Variants in SEPTIN7 observed in about 807,000 individuals in gnomAD.
The protein encoded by SEPTIN7 is septin-7.
SEPTIN7 carries 10 observed loss-of-function variants against 63.3 expected under a neutral mutation model. The observed-to-expected ratio is 0.16, with a 90% confidence interval of 0.10 to 0.27. SEPTIN7 has a LOEUF of 0.27. SEPTIN7 is among the 10% of genes least tolerant of loss of function. The pLI is 1.00. For missense variants in SEPTIN7, 310 were observed against 521.0 expected, an observed-to-expected ratio of 0.59 and a Z score of 3.94; for synonymous variants, 131 against 165.3, an observed-to-expected ratio of 0.79 and a Z score of 1.59.
At chr7:35,846,424 G>A (rs1054910908) in intron 3 of SEPTIN7, among the ~76,000 whole-genome samples, 8 of 151,944 alleles carry the variant, frequency 5.3e-5, no homozygotes, top group African/African-American at 1.7e-4. Flanking sequence ...TGAAAATGTC[G>A]TACCAACTAA....
chr7:35,843,694 C>G (rs577298404), intron 3 of SEPTIN7, among the ~76,000 whole-genome samples: 2 of 152,248 alleles, frequency 1.3e-5, no homozygotes, highest in South Asian at 4.1e-4. Context: ...TTAAAATTAT[C>G]TGCATATGCC....
intron 10 of SEPTIN7, among the ~76,000 whole-genome samples, chr7:35,887,839 T>C (rs1787361277): frequency 6.6e-6 from 1 of 152,222 alleles, no homozygotes; most frequent in Non-Finnish European, 1.5e-5. Context: ...AGCTCATGTC[T>C]TTAAGACAAA....
intron 1 of SEPTIN7, among the ~76,000 whole-genome samples, chr7:35,814,843 C>T (rs576790162): frequency 2.0e-5 from 3 of 152,086 alleles, no homozygotes; most frequent in East Asian, 1.9e-4. Context: ...GGCATGGTAG[C>T]AGGCGCCTGT....
chr7:35,814,281 A>T (rs1788912332), intron 1 of SEPTIN7, among the ~76,000 whole-genome samples: 1 of 152,212 alleles, frequency 6.6e-6, no homozygotes, highest in Non-Finnish European at 1.5e-5. Context: ...GCTCACCAAC[A>T]CCTAGAATGG....
intron 3 of SEPTIN7, among the ~76,000 whole-genome samples, chr7:35,852,481 C>G (rs2116066341): frequency 6.6e-6 from 1 of 152,008 alleles, no homozygotes; most frequent in Non-Finnish European, 1.5e-5. Context: ...TTGGAATACA[C>G]TTAATTTACA....
At chr7:35,889,913 A>G (rs1453180836) in intron 10 of SEPTIN7, among the ~76,000 whole-genome samples, 1 of 152,188 alleles carries the variant, frequency 6.6e-6, no homozygotes, top group African/African-American at 2.4e-5. Context: ...ATGATGGCAG[A>G]TATAGGAAGT....
intron 1 of SEPTIN7, among the ~76,000 whole-genome samples, chr7:35,820,688 G>A (rs1006593769): frequency 7.2e-5 from 11 of 152,008 alleles, no homozygotes; most frequent in African/African-American, 2.4e-4. Flanking sequence ...TAAAGTATTT[G>A]TTTAATGTCT....
intron 9 of SEPTIN7, among the ~76,000 whole-genome samples, chr7:35,884,635 T>C (rs920331898): frequency 9.2e-5 from 14 of 152,208 alleles, no homozygotes; most frequent in African/African-American, 3.4e-4. Flanking sequence ...CAGATGGTCA[T>C]GGACCCTCAA....
At chr7:35,874,832 T>A (rs1245643617) in intron 6 of SEPTIN7, among the ~76,000 whole-genome samples, 4 of 152,142 alleles carry the variant, frequency 2.6e-5, no homozygotes, top group Non-Finnish European at 5.9e-5. Flanking sequence ...GTTTACATGT[T>A]TAAATCACTA....
chr7:35,855,064 G>A (rs1353308285), intron 3 of SEPTIN7, among the ~76,000 whole-genome samples: 1 of 151,998 alleles, frequency 6.6e-6, no homozygotes, highest in Non-Finnish European at 1.5e-5. Flanking sequence ...CTAGAAATAA[G>A]CATTAAATTG....
intron 1 of SEPTIN7, among the ~76,000 whole-genome samples, chr7:35,805,822 A>G (rs1788296167): frequency 6.6e-6 from 1 of 152,208 alleles, no homozygotes; most frequent in Admixed American, 6.6e-5. Context: ...ACTGATCTGG[A>G]AGTAAAAATG....
chr7:35,826,630 T>G (rs1243627203), intron 1 of SEPTIN7, among the ~76,000 whole-genome samples: 1 of 152,028 alleles, frequency 6.6e-6, no homozygotes, highest in East Asian at 1.9e-4. Context: ...TATTGGGAAG[T>G]TGAAGGTTTG....
intron 7 of SEPTIN7, among the ~76,000 whole-genome samples, chr7:35,881,499 CTTT>C (rs397962604): frequency 7.2e-6 from 1 of 139,266 alleles, no homozygotes; most frequent in Admixed American, 7.2e-5. Context: ...CTTGTTTATT[CTTT>C]TTTTTTTTTT....
At chr7:35,827,173 A>G (rs1299136847) in intron 1 of SEPTIN7, among the ~76,000 whole-genome samples, 1 of 152,224 alleles carries the variant, frequency 6.6e-6, no homozygotes, top group Non-Finnish European at 1.5e-5. Context: ...AGATTATTTG[A>G]TAAATGTTTC....
At chr7:35,889,736 G>T (rs944810056) in intron 10 of SEPTIN7, among the ~76,000 whole-genome samples, 3 of 152,084 alleles carry the variant, frequency 2.0e-5, no homozygotes, top group Non-Finnish European at 4.4e-5. Flanking sequence ...TAGAGATGGG[G>T]TTCCACCATG....
At chr7:35,817,008 G>GTTT in intron 1 of SEPTIN7, among the ~76,000 whole-genome samples, 1 of 142,060 alleles carries the variant, frequency 7.0e-6, no homozygotes, top group Non-Finnish European at 1.6e-5. Flanking sequence ...AATTCCACAG[G>GTTT]TTTTTTTTTT....
chr7:35,873,840 T>C, intron 6 of SEPTIN7, 65 bp downstream of exon 6: 1 of 1,454,918 alleles, frequency 6.9e-7, no homozygotes, highest in African/African-American at 1.4e-5. Context: ...TTTATGTGCA[T>C]ACTTTAGTAA....
chr7:35,840,846 T>A (rs1434551010), intron 3 of SEPTIN7, among the ~76,000 whole-genome samples: 1 of 152,208 alleles, frequency 6.6e-6, no homozygotes, highest in African/African-American at 2.4e-5. Flanking sequence ...AACCAAATGT[T>A]ATGGAAGTTT....
At chr7:35,890,612 GC>G (rs1787573890) in intron 10 of SEPTIN7, 55 bp from the exon 11 acceptor site, 1 of 1,341,992 alleles carries the variant, frequency 7.5e-7, no homozygotes, top group Non-Finnish European at 9.6e-7. Context: ...AACTTTTTAA[GC>G]TTTTTTCCCC....
Sources: allele counts gnomAD v4.1 joint callset (sites outside exome capture counted in the v4.1 genomes callset), GRCh38; gene constraint gnomAD v4.1.1; transcripts MANE v1.5; gene names NCBI Gene and HGNC (gene_info 2026-07-23, HGNC 2026-07-21).